Variants in UXS1 observed in about 807,000 individuals in gnomAD.
UXS1 encodes the protein UDP-glucuronic acid decarboxylase 1.
Under a neutral mutation model 62.6 loss-of-function variants are expected in UXS1, and 33 were observed. That is an observed-to-expected ratio of 0.53 (90% CI 0.40 to 0.70). The LOEUF (loss-of-function observed/expected upper bound fraction) is 0.70, where lower values mean the gene tolerates loss of function less well. Ranked by LOEUF, UXS1 falls within the 30% of genes least tolerant of loss-of-function variation. The probability of loss-of-function intolerance (pLI) is 0.00; values close to 1 mark genes in which losing one functional copy is unlikely to be tolerated. For missense variants in UXS1, 434 were observed against 556.3 expected (o/e 0.78, Z 2.21); for synonymous variants, 213 against 206.8 (o/e 1.03, Z -0.26).
chr2:106,142,695 G>GGGGGAAATTATCAAGGGCACA (rs1681215334), intron 6 of UXS1, among the ~76,000 whole-genome samples: 1 of 152,192 alleles, frequency 6.6e-6, no homozygotes, highest in African/African-American at 2.4e-5. Context: ...AGGGCAGCAA[G>GGGGGAAATTATCAAGGGCACA]GGGGAAATTA....
At chr2:106,181,879 T>C (rs1273846111) in intron 1 of UXS1, among the ~76,000 whole-genome samples, 1 of 152,222 alleles carries the variant, frequency 6.6e-6, no homozygotes, top group Non-Finnish European at 1.5e-5. Flanking sequence ...TATTTCTTTC[T>C]GAAAGTAGGG....
intron 9 of UXS1, among the ~76,000 whole-genome samples, chr2:106,118,297 G>C (rs1332976583): frequency 6.6e-6 from 1 of 151,816 alleles, no homozygotes; most frequent in Admixed American, 6.6e-5. Flanking sequence ...TTGATGCCAG[G>C]AACTAAAACA....
intron 6 of UXS1, 57 bp downstream of exon 6, chr2:106,145,133 C>T: frequency 6.4e-7 from 1 of 1,563,156 alleles, no homozygotes. Flanking sequence ...AATCCCGCAG[C>T]TCTGGCAAGG....
At chr2:106,118,458 C>T (rs1017358385) in intron 9 of UXS1, among the ~76,000 whole-genome samples, 24 of 152,030 alleles carry the variant, frequency 1.6e-4, no homozygotes, top group African/African-American at 5.6e-4. Flanking sequence ...CATGAGGGGG[C>T]GAACTCAAAT....
intron 6 of UXS1, chr2:106,138,345 C>G (rs1181593278): frequency 5.1e-6 from 5 of 985,490 alleles, no homozygotes; most frequent in African/African-American, 1.7e-5. Context: ...TTCACACATG[C>G]CTTCCTCACT....
intron 9 of UXS1, 44 bp from the exon 10 acceptor site, chr2:106,112,809 G>A (rs1239105693): frequency 3.8e-6 from 6 of 1,590,620 alleles, no homozygotes; most frequent in Admixed American, 1.7e-5. Context: ...CCCCTGTGTG[G>A]TCCACGCATC....
chr2:106,119,243 G>A (rs575560807), intron 9 of UXS1, among the ~76,000 whole-genome samples: 57 of 152,300 alleles, frequency 3.7e-4, no homozygotes, highest in African/African-American at 1.3e-3. Flanking sequence ...TTTGGACTTG[G>A]AGCTGCATGG....
At chr2:106,170,593 C>T (rs528908315) in intron 1 of UXS1, among the ~76,000 whole-genome samples, 1 of 152,300 alleles carries the variant, frequency 6.6e-6, no homozygotes, top group South Asian at 2.1e-4. Context: ...GTTGTGGCCT[C>T]CTTTCAAATT....
intron 4 of UXS1, among the ~76,000 whole-genome samples, chr2:106,159,609 A>G (rs1284202874): frequency 6.6e-6 from 1 of 152,222 alleles, no homozygotes; most frequent in East Asian, 1.9e-4. Context: ...GTTAGGAACA[A>G]AAGTGCTTTA....
rs577208379 is a variant in UXS1, at chr2:106,176,352, G to C, written c.95-10269C>G. On this transcript the variant is annotated intron_variant, in intron 1 of 14. Transcript: ENST00000283148. ...ACAACTGAAATGTTTGCTTAAAGCA[G>C]ATAAGAATATGCATCATTCTTCTAA... 7.2e-5 allele frequency among the ~76,000 whole-genome samples: 11 copies of C among 152,374 alleles called. No individual in the cohort carries two copies. The East Asian group carries it at 2.1e-3, about 29-fold the overall frequency.
chr2:106,185,107 G>A (rs1684477386), intron 1 of UXS1, among the ~76,000 whole-genome samples: 1 of 152,156 alleles, frequency 6.6e-6, no homozygotes, highest in African/African-American at 2.4e-5. Context: ...TCCTGGCATT[G>A]TGTCACTCCA....
intron 6 of UXS1, among the ~76,000 whole-genome samples, chr2:106,131,023 CAGTG>C (rs1680415341): frequency 6.6e-6 from 1 of 151,474 alleles, no homozygotes; most frequent in South Asian, 2.1e-4. Flanking sequence ...GAGTGCCAGA[CAGTG>C]GGCGCAGGCC....
rs1676862016 is a variant in UXS1, at chr2:106,093,959, A to C, written c.*67T>G. The C allele has an allele frequency of 1.4e-6, 2 of 1,451,750 alleles. No homozygotes were observed. Among genetic ancestry groups the C allele is most frequent in the African/African-American group, 1.5e-5 (1 of 68,176 alleles). 89.9% of individuals were successfully genotyped at this position (1,451,750 alleles called of 1,614,324 possible). On this transcript the variant is annotated 3_prime_UTR_variant, in exon 15 of 15. Transcript: ENST00000283148. ...TTAAAGTCTTTCTTTAAACGACAAC[A>C]AAAAAAAGCCAAAAATACATCCCAT... is the stretch of plus-strand genomic sequence containing the variant.
At chr2:106,138,374 G>T in intron 6 of UXS1, 1 of 985,574 alleles carries the variant, frequency 1.0e-6, no homozygotes, top group South Asian at 4.7e-5. Context: ...AGCTCACTGA[G>T]CACAAGATGC....
intron 1 of UXS1, among the ~76,000 whole-genome samples, chr2:106,178,524 GT>G (rs1684037991): frequency 3.3e-3 from 1 of 302 alleles, no homozygotes; most frequent in African/African-American, 4.8e-3. Context: ...ACAAGTCTAT[GT>G]ATATGTATGT....
intron 4 of UXS1, among the ~76,000 whole-genome samples, chr2:106,162,082 A>C (rs1682934044): frequency 6.6e-6 from 1 of 152,186 alleles, no homozygotes; most frequent in African/African-American, 2.4e-5. Flanking sequence ...TTTTTTAGCC[A>C]GGCCTACGCT....
intron 5 of UXS1, among the ~76,000 whole-genome samples, chr2:106,147,255 A>G (rs1228392956): frequency 6.6e-6 from 1 of 152,168 alleles, no homozygotes; most frequent in Non-Finnish European, 1.5e-5. Flanking sequence ...AGGAGATTGG[A>G]CATGCCTCAC....
chr2:106,119,496 G>A (rs574026107), intron 9 of UXS1, among the ~76,000 whole-genome samples: 2 of 152,298 alleles, frequency 1.3e-5, no homozygotes, highest in East Asian at 1.9e-4. Flanking sequence ...CAGAGGCTGA[G>A]CACGCAGCAG....
intron 1 of UXS1, among the ~76,000 whole-genome samples, chr2:106,189,099 A>G (rs1284994313): frequency 6.6e-6 from 1 of 152,218 alleles, no homozygotes; most frequent in African/African-American, 2.4e-5. Flanking sequence ...CTATATCAGA[A>G]TAGTAGTAGT....
Sources: allele counts gnomAD v4.1 joint callset (sites outside exome capture counted in the v4.1 genomes callset), GRCh38; gene constraint gnomAD v4.1.1; transcripts MANE v1.5; gene names NCBI Gene and HGNC (gene_info 2026-07-23, HGNC 2026-07-21).